Variants in TWIST2 observed in about 807,000 individuals in gnomAD.
The protein encoded by TWIST2 is twist-related protein 2.
In TWIST2, 1 loss-of-function variant was observed where a neutral mutation model predicts 11.6. The observed-to-expected ratio is 0.09, with a 90% CI of 0.03 to 0.41. The LOEUF is 0.41. Ranked by LOEUF, TWIST2 falls within the 10% of genes least tolerant of loss-of-function variation. TWIST2 has a pLI of 0.98. For missense variants in TWIST2, 168 were observed against 226.4 expected (o/e 0.74, Z 1.66); for synonymous variants, 87 against 96.6 (o/e 0.90, Z 0.58).
intron 1 of TWIST2, among the ~76,000 whole-genome samples, chr2:238,907,638 G>A (rs999876974): frequency 6.6e-6 from 1 of 151,862 alleles, no homozygotes; most frequent in East Asian, 1.9e-4. Context: ...ATAGTGGGGG[G>A]TGCAAGAAAC....
At chr2:238,861,640 C>T (rs1161358510) in intron 1 of TWIST2, among the ~76,000 whole-genome samples, 4 of 152,296 alleles carry the variant, frequency 2.6e-5, no homozygotes, top group South Asian at 4.1e-4. Context: ...ACTGAGTCAG[C>T]GTCCCTTTTA....
At chr2:238,892,297 G>A (rs1693149936) in intron 1 of TWIST2, among the ~76,000 whole-genome samples, 1 of 152,220 alleles carries the variant, frequency 6.6e-6, no homozygotes, top group Non-Finnish European at 1.5e-5. Flanking sequence ...GGCACGAGGA[G>A]GGGGCCCTGG....
At chr2:238,854,972 G>A (rs944646527) in intron 1 of TWIST2, among the ~76,000 whole-genome samples, 1 of 152,188 alleles carries the variant, frequency 6.6e-6, no homozygotes, top group Admixed American at 6.5e-5. Flanking sequence ...TGAGTGGTTC[G>A]TGTGGCCGGT....
intron 1 of TWIST2, among the ~76,000 whole-genome samples, chr2:238,861,579 C>G (rs1350235842): frequency 6.6e-6 from 1 of 152,164 alleles, no homozygotes. Context: ...CTCCTCCTCC[C>G]TATCTCTATC....
intron 1 of TWIST2, among the ~76,000 whole-genome samples, chr2:238,909,060 G>A (rs1693408493): frequency 1.1e-5 from 1 of 92,992 alleles, no homozygotes; most frequent in Non-Finnish European, 2.6e-5. Flanking sequence ...TGTGTATGTG[G>A]TGTGTATGTA....
chr2:238,903,304 G>GGT (rs1693301401), intron 1 of TWIST2, among the ~76,000 whole-genome samples: 1 of 149,010 alleles, frequency 6.7e-6, no homozygotes. Context: ...TGTGATGTGG[G>GGT]ATGTGTGATA....
intron 1 of TWIST2, among the ~76,000 whole-genome samples, chr2:238,903,025 GT>G (rs1413488035): frequency 6.9e-5 from 7 of 101,524 alleles, no homozygotes; most frequent in East Asian, 3.5e-4. Flanking sequence ...TGTGATGTGG[GT>G]GTGTGTGATG....
chr2:238,887,825 A>G (rs1693068877), intron 1 of TWIST2, among the ~76,000 whole-genome samples: 1 of 152,232 alleles, frequency 6.6e-6, no homozygotes, highest in South Asian at 2.1e-4. Flanking sequence ...TGCCAACCTG[A>G]ATGAGCAAGA....
intron 1 of TWIST2, among the ~76,000 whole-genome samples, chr2:238,865,791 A>G (rs922581970): frequency 6.6e-6 from 1 of 152,008 alleles, no homozygotes; most frequent in African/African-American, 2.4e-5. Flanking sequence ...GTGCCAGTGA[A>G]TACACCAATT....
intron 1 of TWIST2, among the ~76,000 whole-genome samples, chr2:238,904,750 C>A (rs1329501619): frequency 6.6e-6 from 1 of 151,026 alleles, no homozygotes; most frequent in Non-Finnish European, 1.5e-5. Flanking sequence ...GATAGATGCT[C>A]AATTATGTCG....
chr2:238,859,419 T>C (rs1440606787), intron 1 of TWIST2, among the ~76,000 whole-genome samples: 2 of 151,970 alleles, frequency 1.3e-5, no homozygotes, highest in African/African-American at 2.4e-5. Context: ...GGGTGAGTGC[T>C]GAACAGGTGT....
chr2:238,888,614 G>A (rs1379154224), intron 1 of TWIST2, among the ~76,000 whole-genome samples: 1 of 152,186 alleles, frequency 6.6e-6, no homozygotes, highest in Non-Finnish European at 1.5e-5. Context: ...CATTAAAAAT[G>A]GCCATTTAAG....
chr2:238,849,614 G>A (rs1363323558), intron 1 of TWIST2, among the ~76,000 whole-genome samples: 1 of 152,182 alleles, frequency 6.6e-6, no homozygotes, highest in Non-Finnish European at 1.5e-5. Context: ...GCTGGGAAAC[G>A]GGTCTGGGGG....
Position 238,848,262 on chromosome 2 carries a change from G to A in TWIST2, c.47G>A (p.Gly16Asp). 6.6e-7 allele frequency: 1 copy of A among 1,525,426 alleles called. No homozygotes were observed. Among genetic ancestry groups the A allele is most frequent in the Non-Finnish European group, 8.8e-7 (1 of 1,139,628 alleles). The allele number at this position is 1,525,426 out of a possible 1,614,324, so 94.5% of individuals were successfully genotyped here. The change falls in exon 1 of 2, where the codon GGC becomes GAC. Residue 16 changes from glycine (G) to aspartate (D), a missense_variant. By Grantham distance (94) the Gly-to-Asp change is moderately conservative. Transcript: ENST00000612363. Reference protein sequence around the residue: ...SSPVSPVDSLGTSEEELERQP... With the variant: ...SSPVSPVDSLDTSEEELERQP... ...CCCGTGTCCCCCGTGGACAGCCTGG[G>A]CACCAGCGAGGAGGAGCTCGAGAGG...
chr2:238,905,846 T>C lies in TWIST2; in HGVS notation c.*36-3996T>C, dbSNP rs1457434787. Reference sequence around the variant, plus strand: ...TGCTCTGAACTTTGAAAAAAGTGTGTGTGTGTGTGCGTGTGTGTGCGTGCG... The same window carrying C: ...TGCTCTGAACTTTGAAAAAAGTGTGCGTGTGTGTGCGTGTGTGTGCGTGCG... On this transcript the variant is annotated intron_variant, in intron 1 of 1. Coordinates refer to ENST00000612363, the MANE Select transcript of TWIST2 (RefSeq NM_001271893.4). Among the ~76,000 whole-genome samples, 131 of 74,082 alleles carry C rather than the reference T, an allele frequency of 1.8e-3. No individual in the cohort carries two copies. The East Asian group carries it at 0.037, about 21-fold the overall frequency. The allele number at this position is 74,082 out of a possible 152,430, so 48.6% of individuals were successfully genotyped here.
rs1481528388 is a variant in TWIST2, at chr2:238,867,754, C to T, written c.*35+19021C>T. Among the ~76,000 whole-genome samples the T allele has an allele frequency of 6.6e-6, 1 of 152,138 alleles. No homozygotes were observed. Among genetic ancestry groups the T allele is most frequent in the Non-Finnish European group, 1.5e-5 (1 of 68,046 alleles). The stretch of plus-strand genomic sequence containing the variant: ...GAAACTGAAAAGGCAGTCACATCCT[C>T]ATCAGAAAGAAATTGATGGTGAGTT... On this transcript the variant is annotated intron_variant, in intron 1 of 1. Coordinates refer to ENST00000612363, the MANE Select transcript of TWIST2 (RefSeq NM_001271893.4). This position sits in a 1 kb window ranked among gnomAD's most constrained non-coding sequence, Gnocchi z 4.8.
intron 1 of TWIST2, among the ~76,000 whole-genome samples, chr2:238,909,193 G>GTGTGGT (rs1370236484): frequency 0.067 from 359 of 5,328 alleles, no homozygotes; most frequent in African/African-American, 0.11. Context: ...TGGTATGTTT[G>GTGTGGT]GTGTGTGTGT....
chr2:238,900,425 T>C (rs1693255313), intron 1 of TWIST2, among the ~76,000 whole-genome samples: 1 of 152,238 alleles, frequency 6.6e-6, no homozygotes, highest in East Asian at 1.9e-4. Flanking sequence ...AGATTTTCCT[T>C]ACAGCCACTT....
chr2:238,908,343 AAC>A (rs1189715113), intron 1 of TWIST2, among the ~76,000 whole-genome samples: 1 of 5,660 alleles, frequency 1.8e-4, no homozygotes. Flanking sequence ...CACACACACA[AAC>A]ACACCACACC....
Sources: allele counts gnomAD v4.1 joint callset (sites outside exome capture counted in the v4.1 genomes callset), GRCh38; gene constraint gnomAD v4.1.1; non-coding constraint Gnocchi (gnomAD v3.1); transcripts MANE v1.5; gene names NCBI Gene and HGNC (gene_info 2026-07-23, HGNC 2026-07-21).